The following NDEL1 variants were observed in gnomAD, a reference collection of about 807,000 sequenced individuals.
NDEL1 encodes nudE neurodevelopment protein 1 like 1, also known as nuclear distribution protein nudE-like 1.
A neutral mutation model predicts 45.7 loss-of-function variants in NDEL1; 9 were observed. The observed-to-expected ratio is 0.20, with a 90% CI of 0.12 to 0.34. The LOEUF is 0.34. Among genes scored for constraint, NDEL1 ranks in the 10% least tolerant of loss-of-function variants. The pLI, the probability that NDEL1 is intolerant of heterozygous loss-of-function variation, is 1.00. For missense variants in NDEL1, 306 were observed against 406.2 expected (o/e 0.75, Z 2.12); for synonymous variants, 133 against 158.6 (o/e 0.84, Z 1.21).
At chr17:8,453,085 G>A (rs1910622961) in intron 6 of NDEL1, among the ~76,000 whole-genome samples, 2 of 152,140 alleles carry the variant, frequency 1.3e-5, no homozygotes, top group South Asian at 4.1e-4. Flanking sequence ...TACCATAAAA[G>A]CACAGATTTA....
At chr17:8,468,874 G>T (rs973516605), downstream of NDEL1, among the ~76,000 whole-genome samples, 5 of 152,140 alleles carry the variant, frequency 3.3e-5, no homozygotes, top group African/African-American at 1.2e-4. Flanking sequence ...CATGGTGGCG[G>T]GTGCCTGTAG....
intron 1 of NDEL1, chr17:8,436,843 C>T (rs1190634158): frequency 1.3e-5 from 2 of 152,152 alleles, no homozygotes; most frequent in African/African-American, 4.8e-5. Context: ...GTAAATGGAG[C>T]TGGGATGGGG....
At chr17:8,434,061 T>C (rs767017475), upstream of NDEL1, among the ~76,000 whole-genome samples, 74 of 152,224 alleles carry the variant, frequency 4.9e-4, no homozygotes, top group Non-Finnish European at 7.3e-5. Flanking sequence ...CCTTGAGGCA[T>C]GTCTTACACA....
chr17:8,473,435 C>G (rs1340768823), intron 3 of NDEL1, among the ~76,000 whole-genome samples: 1 of 152,204 alleles, frequency 6.6e-6, no homozygotes, highest in Non-Finnish European at 1.5e-5. Context: ...GATCCACCTG[C>G]TTTGGCCTCC....
chr17:8,449,467 G>A (rs1454328533), intron 5 of NDEL1, among the ~76,000 whole-genome samples: 1 of 152,192 alleles, frequency 6.6e-6, no homozygotes, highest in Non-Finnish European at 1.5e-5. Flanking sequence ...GTAGTGTTAA[G>A]TATAGTCAAA....
chr17:8,425,774 G>T (rs925858443), intron 1 of NDEL1, among the ~76,000 whole-genome samples: 5 of 151,520 alleles, frequency 3.3e-5, no homozygotes, highest in Non-Finnish European at 7.4e-5. Flanking sequence ...CATACTCAGG[G>T]TTCTTTGTCT....
intron 1 of NDEL1, among the ~76,000 whole-genome samples, chr17:8,419,817 A>G (rs189984345): frequency 1.3e-5 from 2 of 152,290 alleles, no homozygotes; most frequent in East Asian, 3.9e-4. Flanking sequence ...AGTGATCGGG[A>G]AGGGTCATTC....
rs1454540512 is a variant in NDEL1, at chr17:8,465,648, T to TA, written c.945-1280dup. ...AGTGTGTGTCGGCATTTTTTTTTTTTAAGGAGAACCTCTCTCCATGAGTCT... is the reference window on the plus strand; with the variant it reads ...AGTGTGTGTCGGCATTTTTTTTTTTTAAAGGAGAACCTCTCTCCATGAGTCT... On this transcript the variant is annotated intron_variant, in intron 8 of 8. Transcript: ENST00000334527. The surrounding 1 kb of genome is among the most constrained non-coding windows in gnomAD (Gnocchi z 4.9). The TA allele has an allele frequency of 6.6e-6, 1 of 152,026 alleles. No individual in the cohort carries two copies. The highest frequency in any genetic ancestry group is 1.5e-5 in the Non-Finnish European group (1 of 68,012). 9.4% of individuals were successfully genotyped at this position (152,026 alleles called of 1,614,324 possible). A position where few individuals can be genotyped will look rare whatever the true frequency, so the allele number is the denominator to read the frequency against.
upstream of NDEL1, among the ~76,000 whole-genome samples, chr17:8,435,165 G>C (rs941566756): frequency 1.3e-4 from 20 of 152,048 alleles, no homozygotes; most frequent in African/African-American, 4.8e-4. Context: ...GGACCTGGAG[G>C]GGAGAAAGTC....
At chr17:8,422,138 G>A (rs1404754569) in intron 1 of NDEL1, among the ~76,000 whole-genome samples, 1 of 152,200 alleles carries the variant, frequency 6.6e-6, no homozygotes, top group Non-Finnish European at 1.5e-5. Context: ...AGACCTTGCT[G>A]TCCTTTGATC....
At chr17:8,451,033 G>A in intron 6 of NDEL1, 80 bp downstream of exon 6, 1 of 1,363,036 alleles carries the variant, frequency 7.3e-7, no homozygotes, top group Non-Finnish European at 9.8e-7. Context: ...CGGTTGCTAA[G>A]GTTTAAAGAG....
chr17:8,445,918 G>T lies in NDEL1; in HGVS notation c.240+54G>T, dbSNP rs375382540. The T allele has an allele frequency of 1.2e-5, 17 of 1,360,490 alleles. No homozygotes were observed. In the African/African-American group the frequency reaches 1.7e-4, roughly 13 times the overall value. 84.3% of individuals were successfully genotyped at this position (1,360,490 alleles called of 1,614,324 possible). A position where few individuals can be genotyped will look rare whatever the true frequency, so the allele number is the denominator to read the frequency against. On this transcript the variant is annotated intron_variant, in intron 3 of 8. Transcript: ENST00000334527. Reference sequence around the variant, plus strand: ...AATGTGTTGAGTTTTATTAAAATGAGAAATATGTTTTTCAGGTGCTTAAGA... The same window carrying T: ...AATGTGTTGAGTTTTATTAAAATGATAAATATGTTTTTCAGGTGCTTAAGA...
chr17:8,458,389 C>T (rs1448132690), intron 7 of NDEL1, among the ~76,000 whole-genome samples: 1 of 152,134 alleles, frequency 6.6e-6, no homozygotes, highest in African/African-American at 2.4e-5. Flanking sequence ...ATCTTAATCT[C>T]TAGACCACCC....
At chr17:8,454,008 C>A (rs1226819122) in intron 6 of NDEL1, among the ~76,000 whole-genome samples, 1 of 151,948 alleles carries the variant, frequency 6.6e-6, no homozygotes, top group African/African-American at 2.4e-5. Context: ...AATTGGCTCT[C>A]CATTTGGAGG....
chr17:8,437,799 TG>T (rs1909447217), intron 1 of NDEL1, among the ~76,000 whole-genome samples: 1 of 152,196 alleles, frequency 6.6e-6, no homozygotes, highest in Non-Finnish European at 1.5e-5. Flanking sequence ...AAAGGCATTT[TG>T]GACAGGCTGT....
chr17:8,466,161 AAGG>A (rs1231832708), intron 8 of NDEL1: 6 of 152,224 alleles, frequency 3.9e-5, no homozygotes, highest in Admixed American at 1.3e-4. Flanking sequence ...TGGAAAATGT[AAGG>A]AGATTTGGAA....
At chr17:8,450,363 A>C (rs1910408646) in intron 5 of NDEL1, among the ~76,000 whole-genome samples, 1 of 152,228 alleles carries the variant, frequency 6.6e-6, no homozygotes, top group African/African-American at 2.4e-5. Flanking sequence ...CTTTTCTAAA[A>C]GTAAATATTT....
rs553169237 is a variant in NDEL1, at chr17:8,459,119, G to A, written c.793-890G>A. On this transcript the variant is annotated intron_variant, in intron 7 of 8. Coordinates refer to ENST00000334527, the MANE Select transcript of NDEL1 (RefSeq NM_030808.5). ...CAAAGTGAAGTATATGTTACCTGTGGATTTAATTTAGCTGTGCATTCCCAG... is the reference window on the plus strand; with the variant it reads ...CAAAGTGAAGTATATGTTACCTGTGAATTTAATTTAGCTGTGCATTCCCAG... Among the ~76,000 whole-genome samples, 280 of 152,248 alleles carry A rather than the reference G, an allele frequency of 1.8e-3. 1 individual carries two copies. Among genetic ancestry groups the A allele is most frequent in the African/African-American group, 6.5e-3 (269 of 41,548 alleles).
chr17:8,445,277 ACTAC>A (rs1266921762), intron 2 of NDEL1, among the ~76,000 whole-genome samples: 1 of 152,246 alleles, frequency 6.6e-6, no homozygotes, highest in Non-Finnish European at 1.5e-5. Context: ...GAATGTAATA[ACTAC>A]CTAATTTTGA....
Sources: gnomAD v4.1 joint callset for allele counts (sites outside exome capture counted in the v4.1 genomes callset) on GRCh38, gnomAD v4.1.1 for gene constraint, Gnocchi (gnomAD v3.1) non-coding constraint, MANE v1.5 for transcripts, NCBI Gene and HGNC (gene_info 2026-07-23, HGNC 2026-07-21) for gene names.